Variants in KCTD20 observed in about 807,000 individuals in gnomAD.
KCTD20 encodes the protein potassium channel tetramerization domain containing 20, also known as BTB/POZ domain-containing protein KCTD20.
A neutral mutation model predicts 39.6 loss-of-function variants in KCTD20; 30 were observed. That is an observed-to-expected ratio of 0.76 (90% CI 0.57 to 1.03). The LOEUF (loss-of-function observed/expected upper bound fraction) is 1.03. Ranked by LOEUF, KCTD20 falls within the 50% of genes least tolerant of loss-of-function variation. The pLI is 0.00. For missense variants in KCTD20, 422 were observed against 522.0 expected, an observed-to-expected ratio of 0.81 and a Z score of 1.87; for synonymous variants, 162 against 180.6, an observed-to-expected ratio of 0.90 and a Z score of 0.83.
chr6:36,485,704 A>G (rs1413477452), intron 7 of KCTD20, among the ~76,000 whole-genome samples: 1 of 152,076 alleles, frequency 6.6e-6, no homozygotes, highest in Admixed American at 6.6e-5. Flanking sequence ...TTTGTTAGCC[A>G]GGATGGTCTC....
At chr6:36,466,378 T>A (rs1642698071) in intron 1 of KCTD20, among the ~76,000 whole-genome samples, 1 of 142,278 alleles carries the variant, frequency 7.0e-6, no homozygotes, top group African/African-American at 2.7e-5. Flanking sequence ...TTGCTGCTTT[T>A]TTTCTCTTTT....
chr6:36,481,532 A>T lies in KCTD20; in HGVS notation c.659-30A>T, dbSNP rs775958872. On this transcript the variant is annotated intron_variant, in intron 5 of 7. Coordinates refer to ENST00000373731, the MANE Select transcript of KCTD20 (RefSeq NM_173562.5). ...CAGTAATATGTGCATTTAGGCAGAAAGCATGTTCACCTACATTTTCTCTCT... is the reference window on the plus strand; with the variant it reads ...CAGTAATATGTGCATTTAGGCAGAATGCATGTTCACCTACATTTTCTCTCT... 929 of 1,540,958 alleles carry T rather than the reference A, an allele frequency of 6.0e-4. 4 individuals are homozygous for T. The highest frequency in any genetic ancestry group is 1.2e-3 in the Middle Eastern group (7 of 5,924).
intron 5 of KCTD20, among the ~76,000 whole-genome samples, chr6:36,480,062 G>A (rs1776197555): frequency 6.6e-6 from 1 of 152,130 alleles, no homozygotes; most frequent in Non-Finnish European, 1.5e-5. Context: ...CCAATGTGCT[G>A]GGATTACAGG....
chr6:36,483,137 AT>A (rs1776307363), intron 6 of KCTD20, among the ~76,000 whole-genome samples: 3 of 147,680 alleles, frequency 2.0e-5, no homozygotes, highest in Admixed American at 6.8e-5. Flanking sequence ...AAAAAAAAAA[AT>A]TATACCTTTA....
chr6:36,477,481 CT>C (rs760205169), intron 3 of KCTD20, among the ~76,000 whole-genome samples: 28,251 of 130,618 alleles, frequency 0.22, 2,372 homozygotes, highest in East Asian at 0.36. Flanking sequence ...ATTTTCTTTT[CT>C]TTTTTTTTTT....
At chr6:36,485,488 CTTTTTT>C (rs34990483) in intron 7 of KCTD20, among the ~76,000 whole-genome samples, 26,526 of 96,546 alleles carry the variant, frequency 0.27, 2,743 homozygotes, top group East Asian at 0.41. Flanking sequence ...TGGAGTGGAT[CTTTTTT>C]TTTTTTTTTT....
Position 36,479,707 on chromosome 6 carries a change from T to G in KCTD20, c.654T>G (p.Asp218Glu). 1 of 1,606,364 alleles carries G rather than the reference T, an allele frequency of 6.2e-7. No individual in the cohort carries two copies. Among genetic ancestry groups the G allele is most frequent in the Non-Finnish European group, 8.5e-7 (1 of 1,178,142 alleles). ...ACTTCAACACTATCCGATGTCAAGA[T>G]CTGAGTAAGTACAGGAGCAGGTGCC... ...NFDFNTIRCQ[D>E]LSALLHELSN... Residue 218 changes from aspartate to glutamate, a missense_variant, in exon 5 of 8, where the codon GAT (aspartate) becomes GAG (glutamate). Asp to Glu is a conservative substitution (Grantham distance 45, BLOSUM62 2). Coordinates refer to ENST00000373731, the MANE Select transcript of KCTD20 (RefSeq NM_173562.5).
rs775332647 is a variant in KCTD20 at position 36,467,318 on chromosome 6, ATTTTTTTTTTTTTTTTTTT to A, written c.-46-2714_-46-2696del. 2.5e-3 allele frequency among the ~76,000 whole-genome samples: 74 copies of A among 29,904 alleles called. 1 individual carries two copies. The highest frequency in any genetic ancestry group is 2.9e-3 in the Non-Finnish European group (49 of 16,654). 19.6% of individuals were successfully genotyped at this position (29,904 alleles called of 152,430 possible). A position where few individuals can be genotyped will look rare whatever the true frequency, so the allele number is the denominator to read the frequency against. On this transcript the variant is annotated intron_variant, in intron 1 of 7. Coordinates refer to ENST00000373731, the MANE Select transcript of KCTD20 (RefSeq NM_173562.5). Reference sequence around the variant, plus strand: ...TGAAAGACTCCGAAAATCCTTCAGGATTTTTTTTTTTTTTTTTTTTTTTTTTTTTTTTTTTTTTGAGACG... The same window carrying A: ...TGAAAGACTCCGAAAATCCTTCAGGATTTTTTTTTTTTTTTTTTTGAGACG...
chr6:36,443,744 C>T (rs907609250), intron 1 of KCTD20: 2 of 152,060 alleles, frequency 1.3e-5, no homozygotes, highest in Admixed American at 6.6e-5. Context: ...GTTTAGAAGC[C>T]CAGTTCTGCA....
At chr6:36,473,134 C>T (rs1223533139) in intron 2 of KCTD20, among the ~76,000 whole-genome samples, 4 of 151,738 alleles carry the variant, frequency 2.6e-5, no homozygotes, top group Non-Finnish European at 4.4e-5. Context: ...GATCTCGGCT[C>T]ACTGCAAGCT....
At chr6:36,466,796 T>C (rs1192846444) in intron 1 of KCTD20, among the ~76,000 whole-genome samples, 1 of 152,112 alleles carries the variant, frequency 6.6e-6, no homozygotes, top group East Asian at 1.9e-4. Flanking sequence ...TCATTCAAAG[T>C]TGAATGAAGC....
intron 1 of KCTD20, among the ~76,000 whole-genome samples, chr6:36,453,112 A>G (rs969940640): frequency 2.0e-5 from 3 of 148,392 alleles, no homozygotes; most frequent in Non-Finnish European, 4.4e-5. Context: ...GGCTCAAGCA[A>G]TTTGAGTGCC....
At chr6:36,477,920 T>A (rs1018109538) in intron 3 of KCTD20, among the ~76,000 whole-genome samples, 1 of 150,868 alleles carries the variant, frequency 6.6e-6, no homozygotes, top group African/African-American at 2.4e-5. Flanking sequence ...GATGAAACCC[T>A]GTCTCTACTA....
intron 2 of KCTD20, among the ~76,000 whole-genome samples, chr6:36,471,123 C>T (rs1775898608): frequency 1.4e-5 from 2 of 146,730 alleles, no homozygotes; most frequent in African/African-American, 5.1e-5. Context: ...TGCGCTCCAG[C>T]CTGGGCAAGA....
In KCTD20 at chr6:36,474,983, G is replaced by A. The variant is rs1485941126; in HGVS notation, c.355G>A (p.Val119Met). Residue 119 changes from valine (V) to methionine (M), a missense_variant, in exon 3 of 8, where the codon GTG becomes ATG. Val to Met is a conservative substitution (Grantham distance 21). Transcript: ENST00000373731. ...TTCCCATTCCCAAGCACCAGAGAAAGTGACGCTTCTTGTAGATGGCACACG... is the reference window on the plus strand; with the variant it reads ...TTCCCATTCCCAAGCACCAGAGAAAATGACGCTTCTTGTAGATGGCACACG... ...SNSHSQAPEK[V>M]TLLVDGTRFV... 1.2e-6 allele frequency: 2 copies of A among 1,614,034 alleles called. No homozygotes were observed. Among genetic ancestry groups the A allele is most frequent in the African/African-American group, 2.7e-5 (2 of 74,926 alleles).
chr6:36,455,594 A>AGT (rs71737281), intron 1 of KCTD20, among the ~76,000 whole-genome samples: 29,837 of 150,348 alleles, frequency 0.2, 2,998 homozygotes, highest in East Asian at 0.35. Flanking sequence ...TAGAACCAGT[A>AGT]GTGTGTGTGT....
chr6:36,479,634 C>G lies in KCTD20; in HGVS notation c.581C>G (p.Ser194Cys). Residue 194 changes from serine to cysteine, a missense_variant, in exon 5 of 8, where the codon TCT (serine) becomes TGT (cysteine). Physicochemically the swap from Ser to Cys is moderately radical, Grantham distance 112. Transcript: ENST00000373731. ...ATCATCAATTGTCCTGATGGCATCT[C>G]TATCCCAGATCTTAGAGATACTTGT... ...TGIINCPDGI[S>C]IPDLRDTCDY... The G allele has an allele frequency of 6.2e-7, 1 of 1,609,936 alleles. No individual in the cohort carries two copies. Among genetic ancestry groups the G allele is most frequent in the East Asian group, 2.2e-5 (1 of 44,858 alleles).
chr6:36,482,276 G>A (rs531345808), intron 6 of KCTD20, among the ~76,000 whole-genome samples: 128 of 152,170 alleles, frequency 8.4e-4, no homozygotes, highest in Non-Finnish European at 1.3e-3. Flanking sequence ...ATTCTGGGCC[G>A]GGCGCGGTAG....
intron 1 of KCTD20, among the ~76,000 whole-genome samples, chr6:36,465,990 G>A (rs923204609): frequency 1.3e-5 from 2 of 152,134 alleles, no homozygotes; most frequent in African/African-American, 4.8e-5. Context: ...CTTGCACATT[G>A]CTGTGACCTT....
Sources: allele counts gnomAD v4.1 joint callset (sites outside exome capture counted in the v4.1 genomes callset), GRCh38; gene constraint gnomAD v4.1.1; transcripts MANE v1.5; gene names NCBI Gene and HGNC (gene_info 2026-07-23, HGNC 2026-07-21).